The following BACH2 variants were observed in gnomAD, a reference collection of about 807,000 sequenced individuals.
BACH2 encodes transcription regulator protein BACH2.
A neutral mutation model predicts 61.8 loss-of-function variants in BACH2; 5 were observed. The ratio of observed to expected loss-of-function variants is 0.08; its 90% CI spans 0.04 to 0.17. The LOEUF (loss-of-function observed/expected upper bound fraction) is 0.17, where lower values mean the gene tolerates loss of function less well. BACH2 is among the 10% of genes least tolerant of loss of function. BACH2 has a pLI of 1.00. For synonymous variants in BACH2, 446 were observed against 440.1 expected, an observed-to-expected ratio of 1.01 and a Z score of -0.17; for missense variants, 824 against 1,091.1, an observed-to-expected ratio of 0.76 and a Z score of 3.45.
At chr6:90,089,969 T>C (rs904556056) in intron 4 of BACH2, among the ~76,000 whole-genome samples, 2 of 152,138 alleles carry the variant, frequency 1.3e-5, no homozygotes, top group African/African-American at 4.8e-5. Flanking sequence ...ACCAAAGAAG[T>C]TACTAAAAAT....
At chr6:90,024,560 A>G (rs1778538729) in intron 5 of BACH2, among the ~76,000 whole-genome samples, 2 of 152,210 alleles carry the variant, frequency 1.3e-5, no homozygotes, top group Non-Finnish European at 2.9e-5. Flanking sequence ...GAAATAAACT[A>G]GGTGACTTTT....
At chr6:90,028,728 G>A (rs1778774617) in intron 5 of BACH2, among the ~76,000 whole-genome samples, 1 of 152,102 alleles carries the variant, frequency 6.6e-6, no homozygotes, top group South Asian at 2.1e-4. Flanking sequence ...TACAAAGATG[G>A]TCTACAGAGG....
At chr6:90,273,285 G>C (rs6923623) in intron 1 of BACH2, among the ~76,000 whole-genome samples, 2 of 152,050 alleles carry the variant, frequency 1.3e-5, no homozygotes, top group Non-Finnish European at 2.9e-5. Context: ...TCGAGCCCAG[G>C]AGTTCGAGGC....
intron 5 of BACH2, among the ~76,000 whole-genome samples, chr6:90,051,309 C>T (rs1295611598): frequency 6.6e-6 from 1 of 152,130 alleles, no homozygotes; most frequent in Admixed American, 6.5e-5. Context: ...TATCCAGTCA[C>T]TGTGCTAAAC....
chr6:90,240,146 A>G (rs1180212505), intron 3 of BACH2, among the ~76,000 whole-genome samples: 1 of 152,216 alleles, frequency 6.6e-6, no homozygotes, highest in Non-Finnish European at 1.5e-5. Context: ...TTCTATTTGT[A>G]CTAGTCATCT....
chr6:90,062,947 C>T (rs373795391), intron 5 of BACH2: 5 of 984,808 alleles, frequency 5.1e-6, no homozygotes, highest in African/African-American at 1.7e-5. Context: ...CTTCCACTTG[C>T]GTTTTTCTTC....
intron 7 of BACH2, among the ~76,000 whole-genome samples, chr6:89,944,386 A>C (rs900606383): frequency 1.3e-5 from 2 of 152,282 alleles, no homozygotes; most frequent in African/African-American, 4.8e-5. Flanking sequence ...TCTTACAGAC[A>C]TGTGCTTTGG....
chr6:90,138,659 C>A (rs1364859079), intron 4 of BACH2, among the ~76,000 whole-genome samples: 1 of 151,936 alleles, frequency 6.6e-6, no homozygotes, highest in Non-Finnish European at 1.5e-5. Flanking sequence ...ATTACTGAGG[C>A]GAATTCATTA....
rs969863267 is a variant in BACH2 at position 89,930,996 on chromosome 6, C to T, written c.*1412G>A. On this transcript the variant is annotated 3_prime_UTR_variant, in exon 9 of 9. Transcript: ENST00000257749. ...TTCAAATCCCCTCAGGCCAGATGTC[C>T]TGGGAGGCCAAGCCTGGGCAGGAAA... 6.6e-6 allele frequency: 1 copy of T among 152,376 alleles called. No individual in the cohort carries two copies. The highest frequency in any genetic ancestry group is 2.4e-5 in the African/African-American group (1 of 41,468). 9.4% of individuals were successfully genotyped at this position (152,376 alleles called of 1,614,324 possible). A position where few individuals can be genotyped will look rare whatever the true frequency, so the allele number is the denominator to read the frequency against.
intron 4 of BACH2, among the ~76,000 whole-genome samples, chr6:90,159,815 G>A (rs1016084473): frequency 6.6e-6 from 1 of 152,138 alleles, no homozygotes; most frequent in Non-Finnish European, 1.5e-5. Flanking sequence ...AGGAGGAATA[G>A]TGCTTATTTT....
intron 4 of BACH2, among the ~76,000 whole-genome samples, chr6:90,175,380 T>G (rs1422090398): frequency 6.6e-6 from 1 of 152,206 alleles, no homozygotes; most frequent in African/African-American, 2.4e-5. Context: ...AGGTAAATTA[T>G]ACAACCATTT....
chr6:90,190,053 C>T lies in BACH2; in HGVS notation c.-162+16516G>A, dbSNP rs548465486. 1.5e-4 allele frequency among the ~76,000 whole-genome samples: 23 copies of T among 152,294 alleles called. No homozygotes were observed. In the South Asian group the frequency reaches 4.6e-3, roughly 30 times the overall value. ...CTGTCACAGGGGTTCATGTGGTTCT[C>T]TTGCCTCAGCCTCCCGAGTAGCTGG... On this transcript the variant is annotated intron_variant, in intron 4 of 8. Transcript: ENST00000257749.
intron 5 of BACH2, among the ~76,000 whole-genome samples, chr6:90,060,249 G>A (rs988671239): frequency 3.4e-4 from 52 of 151,738 alleles, no homozygotes; most frequent in African/African-American, 1.2e-3. Context: ...TCTCCATTCT[G>A]CATATTTTTG....
At chr6:90,057,239 G>GA (rs1410617162) in intron 5 of BACH2, among the ~76,000 whole-genome samples, 1 of 152,070 alleles carries the variant, frequency 6.6e-6, no homozygotes, top group African/African-American at 2.4e-5. Flanking sequence ...GACTAATCAA[G>GA]AAGAAAAGAG....
intron 8 of BACH2, among the ~76,000 whole-genome samples, chr6:89,936,936 CTGAGA>C (rs1008421421): frequency 2.6e-5 from 4 of 152,014 alleles, no homozygotes; most frequent in Non-Finnish European, 5.9e-5. Context: ...GACATGGCAC[CTGAGA>C]TGAGTTTCTG....
At chr6:90,100,728 G>GACACAC (rs367693277) in intron 4 of BACH2, among the ~76,000 whole-genome samples, 4,413 of 142,332 alleles carry the variant, frequency 0.031, 80 homozygotes, top group Non-Finnish European at 0.036. Flanking sequence ...CACACACACA[G>GACACAC]ACACACACAC....
chr6:89,997,270 A>G (rs1270554538), intron 6 of BACH2, among the ~76,000 whole-genome samples: 1 of 152,212 alleles, frequency 6.6e-6, no homozygotes, highest in Non-Finnish European at 1.5e-5. Flanking sequence ...ACTTCTCTAC[A>G]TGAACACCTT....
intron 1 of BACH2, among the ~76,000 whole-genome samples, chr6:90,292,252 C>T (rs1263072752): frequency 6.6e-6 from 1 of 152,226 alleles, no homozygotes; most frequent in Non-Finnish European, 1.5e-5. Flanking sequence ...AGGCACGACA[C>T]CTACTTCAAA....
chr6:90,130,438 T>C (rs983155854), intron 4 of BACH2, among the ~76,000 whole-genome samples: 1 of 152,232 alleles, frequency 6.6e-6, no homozygotes, highest in African/African-American at 2.4e-5. Flanking sequence ...CTGTAACATA[T>C]GTACCACATG....
Sources: allele counts gnomAD v4.1 joint callset (sites outside exome capture counted in the v4.1 genomes callset), GRCh38; gene constraint gnomAD v4.1.1; transcripts MANE v1.5; gene names NCBI Gene and HGNC (gene_info 2026-07-23, HGNC 2026-07-21).